MTUS1: variants seen among roughly 807,000 people sequenced by gnomAD.
The protein encoded by MTUS1 is microtubule associated scaffold protein 1.
Under a neutral mutation model 120.8 loss-of-function variants are expected in MTUS1, and 109 were observed. The ratio of observed to expected loss-of-function variants is 0.90; its 90% confidence interval spans 0.77 to 1.06. The LOEUF (loss-of-function observed/expected upper bound fraction) is 1.06. MTUS1 is among the 50% of genes least tolerant of loss of function. The probability of loss-of-function intolerance (pLI) is 0.00; values close to 1 mark genes in which losing one functional copy is unlikely to be tolerated. For synonymous variants in MTUS1, 737 were observed against 550.5 expected (o/e 1.34, Z -4.74); for missense variants, 2,210 against 1,486.3 (o/e 1.49, Z -8.01).
rs563929884 is a variant in MTUS1, at chr8:17,645,136, A to ATAGTGT, written c.*784_*789dup. The ATAGTGT allele has an allele frequency of 5.9e-3, 904 of 152,734 alleles. 1 individual carries two copies. Among genetic ancestry groups the ATAGTGT allele is most frequent in the Non-Finnish European group, 9.2e-3 (627 of 68,036 alleles). The allele number at this position is 152,734 out of a possible 1,614,324, so 9.5% of individuals were successfully genotyped here. ...ATAGCCTGAGAAAATGAATTACAGG[A>ATAGTGT]TAGTGTTAGGCTCACATGGGTAAGT... On this transcript the variant is annotated 3_prime_UTR_variant, in exon 15 of 15. Transcript: ENST00000693296.
At chr8:17,759,026 C>T (rs12335326) in intron 1 of MTUS1, among the ~76,000 whole-genome samples, 5,799 of 151,074 alleles carry the variant, frequency 0.038, 146 homozygotes, top group African/African-American at 0.079. Flanking sequence ...GGATTACAGG[C>T]GCCCGCCACC....
chr8:17,709,955 A>C (rs565178435), intron 6 of MTUS1, among the ~76,000 whole-genome samples: 16 of 151,972 alleles, frequency 1.1e-4, no homozygotes, highest in East Asian at 3.9e-4. Context: ...TGCAGCGAGC[A>C]GAGATCATGC....
At chr8:17,793,130 T>TG (rs1456221684) in intron 1 of MTUS1, among the ~76,000 whole-genome samples, 1 of 152,224 alleles carries the variant, frequency 6.6e-6, no homozygotes, top group Admixed American at 6.5e-5. Flanking sequence ...ATTGTCAACT[T>TG]GCGATTGTCT....
At chr8:17,708,597 TTAAC>T (rs1409692623) in intron 6 of MTUS1, among the ~76,000 whole-genome samples, 1 of 152,232 alleles carries the variant, frequency 6.6e-6, no homozygotes, top group Non-Finnish European at 1.5e-5. Flanking sequence ...CTGATAATGG[TTAAC>T]TAATTTTTAA....
chr8:17,655,816 G>C, intron 9 of MTUS1, 47 bp downstream of exon 9: 1 of 1,544,542 alleles, frequency 6.5e-7, no homozygotes, highest in South Asian at 1.1e-5. Context: ...CAGGATTCAA[G>C]TAAGCAGCAG....
chr8:17,754,913 T>G lies in MTUS1; in HGVS notation c.895A>C (p.Met299Leu), dbSNP rs527925234. ...TQALTPVSDGMEVPNDSALQE... is the reference protein window; with the variant it reads ...TQALTPVSDGLEVPNDSALQE... ...AATGCAGAATCATTGGGGACTTCCA[T>G]GCCATCAGAAACTGGTGTTAGTGCT... Residue 299 changes from methionine (M) to leucine (L), a missense_variant, in exon 2 of 15, where the codon ATG becomes CTG. By Grantham distance (15) the Met-to-Leu change is conservative. Coordinates refer to ENST00000693296, the MANE Select transcript of MTUS1 (RefSeq NM_001363059.2). 6.2e-7 allele frequency: 1 copy of G among 1,614,242 alleles called. No homozygotes were observed. The highest frequency in any genetic ancestry group is 1.3e-5 in the African/African-American group (1 of 75,070).
intron 5 of MTUS1, among the ~76,000 whole-genome samples, chr8:17,714,965 G>A (rs1822047533): frequency 1.4e-5 from 2 of 143,218 alleles, no homozygotes; most frequent in African/African-American, 2.6e-5. Flanking sequence ...GAGTGCAGTG[G>A]CGCGATCTCG....
chr8:17,719,384 T>C (rs73206209), intron 4 of MTUS1, among the ~76,000 whole-genome samples: 4,993 of 152,336 alleles, frequency 0.033, 111 homozygotes, highest in Non-Finnish European at 0.052. Context: ...ATCAAAGTAC[T>C]ACTGAAATCT....
intron 6 of MTUS1, among the ~76,000 whole-genome samples, chr8:17,709,361 T>A (rs1451052335): frequency 6.6e-6 from 1 of 152,096 alleles, no homozygotes; most frequent in East Asian, 1.9e-4. Flanking sequence ...GGACCTCTCT[T>A]CTAGGACAAG....
intron 1 of MTUS1, among the ~76,000 whole-genome samples, chr8:17,795,893 C>T (rs1234840739): frequency 6.6e-6 from 1 of 152,076 alleles, no homozygotes; most frequent in African/African-American, 2.4e-5. Flanking sequence ...GCCTTGGCCT[C>T]CCAAATTGCT....
At chr8:17,767,574 T>G (rs2049626427) in intron 1 of MTUS1, among the ~76,000 whole-genome samples, 1 of 150,678 alleles carries the variant, frequency 6.6e-6, no homozygotes, top group African/African-American at 2.4e-5. Flanking sequence ...GGTGCACACC[T>G]ATGGTCCCAG....
chr8:17,715,723 T>A, intron 5 of MTUS1, 44 bp downstream of exon 5: 1 of 1,561,184 alleles, frequency 6.4e-7, no homozygotes, highest in South Asian at 1.2e-5. Context: ...CCAAGGACTT[T>A]AAGCGTCTTG....
intron 1 of MTUS1, among the ~76,000 whole-genome samples, chr8:17,760,758 C>G (rs1433517561): frequency 7.3e-6 from 1 of 136,262 alleles, no homozygotes; most frequent in Non-Finnish European, 1.6e-5. Flanking sequence ...TTTGATTAAA[C>G]AAGATGCAGA....
At chr8:17,707,688 A>G (rs903149244) in intron 6 of MTUS1, among the ~76,000 whole-genome samples, 2 of 152,236 alleles carry the variant, frequency 1.3e-5, no homozygotes, top group Non-Finnish European at 2.9e-5. Context: ...GAATAGCCAT[A>G]ACTATCTTGA....
intron 6 of MTUS1, among the ~76,000 whole-genome samples, chr8:17,711,702 CACAAGA>C (rs1821334325): frequency 6.6e-6 from 1 of 152,206 alleles, no homozygotes; most frequent in Non-Finnish European, 1.5e-5. Context: ...AACTGCTTGG[CACAAGA>C]GACCTGGCTT....
intron 10 of MTUS1, 169 bp downstream of exon 10, chr8:17,654,391 GA>G: frequency 3.4e-6 from 2 of 596,776 alleles, no homozygotes; most frequent in Non-Finnish European, 5.9e-6. Context: ...TCCTTAGTGG[GA>G]AAAGGCATCT....
intron 3 of MTUS1, among the ~76,000 whole-genome samples, chr8:17,727,119 T>C (rs1455830308): frequency 1.3e-5 from 2 of 152,206 alleles, no homozygotes; most frequent in Admixed American, 6.5e-5. Context: ...CTACACCTAA[T>C]GGCAGCCAGT....
chr8:17,737,744 C>T (rs1470533999), intron 3 of MTUS1, among the ~76,000 whole-genome samples: 2 of 152,184 alleles, frequency 1.3e-5, no homozygotes, highest in East Asian at 3.8e-4. Context: ...ACTTCATCCT[C>T]CCTAATTCCT....
intron 4 of MTUS1, among the ~76,000 whole-genome samples, chr8:17,717,538 A>C (rs763229512): frequency 6.6e-6 from 1 of 152,240 alleles, no homozygotes; most frequent in Non-Finnish European, 1.5e-5. Flanking sequence ...ATTCAGCAAC[A>C]AATAAGTCAC....
Sources: gnomAD v4.1 joint callset for allele counts (sites outside exome capture counted in the v4.1 genomes callset) on GRCh38, gnomAD v4.1.1 for gene constraint, MANE v1.5 for transcripts, NCBI Gene and HGNC (gene_info 2026-07-23, HGNC 2026-07-21) for gene names.